PTPN14: variants seen among roughly 807,000 people sequenced by gnomAD.
PTPN14 encodes tyrosine-protein phosphatase non-receptor type 14.
Under a neutral mutation model 126.8 loss-of-function variants are expected in PTPN14, and 53 were observed. That is an observed-to-expected ratio of 0.42 (90% CI 0.34 to 0.53). PTPN14 has a LOEUF of 0.53. Ranked by LOEUF, PTPN14 falls within the 20% of genes least tolerant of loss-of-function variation. PTPN14 has a pLI of 0.08. For synonymous variants in PTPN14, 630 were observed against 599.3 expected (o/e 1.05, Z -0.75); for missense variants, 1,257 against 1,552.9 (o/e 0.81, Z 3.20).
chr1:214,510,460 G>A (rs552394940), intron 1 of PTPN14, among the ~76,000 whole-genome samples: 2 of 152,320 alleles, frequency 1.3e-5, no homozygotes, highest in East Asian at 3.9e-4. Flanking sequence ...ATAAAATGGT[G>A]TATGCCTGTA....
intron 1 of PTPN14, among the ~76,000 whole-genome samples, chr1:214,502,726 A>G (rs965433589): frequency 5.3e-5 from 8 of 152,208 alleles, no homozygotes; most frequent in Admixed American, 1.3e-4. Flanking sequence ...TGATCAAAAT[A>G]AAGACAGAGT....
At chr1:214,523,462 A>G (rs1351019766) in intron 1 of PTPN14, among the ~76,000 whole-genome samples, 1 of 152,236 alleles carries the variant, frequency 6.6e-6, no homozygotes, top group African/African-American at 2.4e-5. Flanking sequence ...TATTCAGTAC[A>G]GTAACATGCT....
intron 5 of PTPN14, among the ~76,000 whole-genome samples, chr1:214,406,771 A>G (rs1343865490): frequency 1.3e-5 from 2 of 152,198 alleles, no homozygotes; most frequent in South Asian, 4.1e-4. Flanking sequence ...TTACTACTTC[A>G]TAGCACTTTA....
chr1:214,549,811 G>A (rs1558151160), intron 1 of PTPN14, among the ~76,000 whole-genome samples: 1 of 152,176 alleles, frequency 6.6e-6, no homozygotes, highest in Non-Finnish European at 1.5e-5. Flanking sequence ...CAATTAGGGA[G>A]GCCTTGGCTC....
intron 1 of PTPN14, chr1:214,529,230 T>A (rs1402649039): frequency 6.6e-6 from 1 of 152,204 alleles, no homozygotes; most frequent in African/African-American, 2.4e-5. Context: ...GGTGGGAGGA[T>A]CACTTAAGCC....
chr1:214,392,474 C>T (rs1658779097), intron 10 of PTPN14, among the ~76,000 whole-genome samples: 1 of 152,032 alleles, frequency 6.6e-6, no homozygotes. Flanking sequence ...AGAGTAAAAT[C>T]CAGTTCTCAG....
At chr1:214,425,396 A>AT (rs747916930) in intron 3 of PTPN14, among the ~76,000 whole-genome samples, 49 of 152,322 alleles carry the variant, frequency 3.2e-4, no homozygotes, top group Admixed American at 7.2e-4. Flanking sequence ...CAGTCAACAA[A>AT]TTGGAATAAC....
intron 3 of PTPN14, among the ~76,000 whole-genome samples, chr1:214,429,786 AAT>A (rs1308290369): frequency 2.6e-5 from 4 of 152,248 alleles, no homozygotes; most frequent in Non-Finnish European, 5.9e-5. Flanking sequence ...GCTAAGGATC[AAT>A]ATAGGGTATT....
At chr1:214,405,832 G>C (rs1659154424) in intron 5 of PTPN14, among the ~76,000 whole-genome samples, 2 of 152,062 alleles carry the variant, frequency 1.3e-5, no homozygotes, top group South Asian at 4.1e-4. Context: ...ACGAAATTAG[G>C]CTTGTTATTC....
At chr1:214,511,652 T>G (rs2102444566) in intron 1 of PTPN14, among the ~76,000 whole-genome samples, 1 of 152,350 alleles carries the variant, frequency 6.6e-6, no homozygotes, top group East Asian at 1.9e-4. Flanking sequence ...CCTTAGGATC[T>G]ATGGATTCTC....
At chr1:214,402,437 C>CAAAAA (rs1165595746) in intron 6 of PTPN14, among the ~76,000 whole-genome samples, 1,421 of 48,088 alleles carry the variant, frequency 0.03, 195 homozygotes, top group African/African-American at 0.13. Flanking sequence ...GAGACTCTGT[C>CAAAAA]AAAAAAAAAA....
chr1:214,404,677 G>A (rs1659120972), intron 5 of PTPN14, among the ~76,000 whole-genome samples: 1 of 152,178 alleles, frequency 6.6e-6, no homozygotes, highest in Non-Finnish European at 1.5e-5. Flanking sequence ...TATGTGCCCT[G>A]CCAGGGAGAG....
rs1658250053 is a variant in PTPN14, at chr1:214,372,801, G to T, written c.2946C>A (p.Thr982=). The part of the protein sequence containing the change: ...VGGAEWHYIA[T]QGPLPHTCHD... ...GGCACGTGTGTGGCAGGGGCCCCTG[G>T]GTGGCTATGTAGTGCCATTCTGCCC... The change falls in exon 16 of 19, where the codon ACC becomes ACA. Residue 982 remains threonine, a synonymous_variant. Transcript: ENST00000366956. 1.2e-6 allele frequency: 2 copies of T among 1,613,996 alleles called. No homozygotes were observed. The highest frequency in any genetic ancestry group is 2.2e-5 in the South Asian group (2 of 91,078).
At chr1:214,478,975 C>T (rs944793846) in intron 1 of PTPN14, among the ~76,000 whole-genome samples, 3 of 151,640 alleles carry the variant, frequency 2.0e-5, no homozygotes, top group African/African-American at 7.3e-5. Flanking sequence ...TACAATCATA[C>T]ATTGACTAAA....
At chr1:214,543,340 A>C (rs1655888585) in intron 1 of PTPN14, among the ~76,000 whole-genome samples, 1 of 152,182 alleles carries the variant, frequency 6.6e-6, no homozygotes, top group Non-Finnish European at 1.5e-5. Flanking sequence ...AAAAATTACC[A>C]TGTTTTTTAA....
intron 3 of PTPN14, among the ~76,000 whole-genome samples, chr1:214,439,610 T>C (rs1572001222): frequency 6.6e-6 from 1 of 152,200 alleles, no homozygotes; most frequent in East Asian, 1.9e-4. Context: ...CCTTGAGAGT[T>C]AGGAGGCTGT....
chr1:214,473,153 A>AAT (rs140011488), intron 1 of PTPN14, among the ~76,000 whole-genome samples: 13,765 of 152,236 alleles, frequency 0.09, 635 homozygotes, highest in South Asian at 0.12. Flanking sequence ...ATTAAAAAAA[A>AAT]TTTCAAAGTT....
chr1:214,463,976 C>A (rs989121994), intron 2 of PTPN14, among the ~76,000 whole-genome samples: 1 of 152,170 alleles, frequency 6.6e-6, no homozygotes, highest in Non-Finnish European at 1.5e-5. Flanking sequence ...CAACATACTG[C>A]TCTGAAAGTC....
At chr1:214,485,373 T>C (rs1345526515) in intron 1 of PTPN14, among the ~76,000 whole-genome samples, 4 of 152,214 alleles carry the variant, frequency 2.6e-5, no homozygotes, top group African/African-American at 7.2e-5. Context: ...CTTGACTGCA[T>C]TGAAGGAAGC....
Sources: gnomAD v4.1 joint callset for allele counts (sites outside exome capture counted in the v4.1 genomes callset) on GRCh38, gnomAD v4.1.1 for gene constraint, MANE v1.5 for transcripts, NCBI Gene and HGNC (gene_info 2026-07-23, HGNC 2026-07-21) for gene names.